ACSS3: variants seen among roughly 807,000 people sequenced by gnomAD.
ACSS3 encodes the protein acyl-CoA synthetase short chain family member 3, also known as acyl-CoA synthetase short-chain family member 3, mitochondrial.
ACSS3 carries 64 observed loss-of-function variants against 84.2 expected under a neutral mutation model. The ratio of observed to expected loss-of-function variants is 0.76; its 90% CI spans 0.62 to 0.94. The LOEUF (loss-of-function observed/expected upper bound fraction) is 0.94. Ranked by LOEUF, ACSS3 falls within the 40% of genes least tolerant of loss-of-function variation. ACSS3 has a pLI of 0.00. For synonymous variants in ACSS3, 317 were observed against 310.1 expected, an observed-to-expected ratio of 1.02 and a Z score of -0.23; for missense variants, 815 against 867.6, an observed-to-expected ratio of 0.94 and a Z score of 0.76.
intron 2 of ACSS3, among the ~76,000 whole-genome samples, chr12:81,128,802 C>T (rs1302858661): frequency 6.6e-6 from 1 of 152,088 alleles, no homozygotes; most frequent in Non-Finnish European, 1.5e-5. Flanking sequence ...TGATAATTTT[C>T]CACCTGAAGT....
chr12:81,117,438 A>T (rs1593074090), intron 2 of ACSS3, among the ~76,000 whole-genome samples: 1 of 152,194 alleles, frequency 6.6e-6, no homozygotes, highest in African/African-American at 2.4e-5. Context: ...CTTGTCACTT[A>T]TGAAATGACA....
intron 13 of ACSS3, among the ~76,000 whole-genome samples, chr12:81,248,554 T>C (rs758772544): frequency 6.6e-6 from 1 of 151,936 alleles, no homozygotes; most frequent in Non-Finnish European, 1.5e-5. Flanking sequence ...GAAGGGTATG[T>C]GTGTGTCAAG....
In ACSS3 at chr12:81,238,022, G is replaced by T. The variant is rs370497771; in HGVS notation, c.1719+4551G>T. 7.0e-4 allele frequency among the ~76,000 whole-genome samples: 106 copies of T among 151,822 alleles called. 3 individuals carry two copies. In the South Asian group the frequency reaches 0.021, roughly 30 times the overall value. On this transcript the variant is annotated intron_variant, in intron 13 of 15. Transcript: ENST00000548058. Reference sequence around the variant, plus strand: ...GTAGATGGTTCATCACGAAATTGTGGAAGTTCCCCTCTATTCGTAGTATAC... The same window carrying T: ...GTAGATGGTTCATCACGAAATTGTGTAAGTTCCCCTCTATTCGTAGTATAC...
Position 81,254,895 on chromosome 12 carries a change from C to T in ACSS3, c.2034C>T (p.His678=), listed in dbSNP as rs80307006. ...TTGAAGACCCCAGCATTTTTGGCCA[C>T]GTAGAAGAAATGCTGAAGCAAGCAT... ...STIEDPSIFG[H]VEEMLKQA Residue 678 remains histidine (H), a synonymous_variant, in exon 16 of 16, where the codon CAC becomes CAT. Coordinates refer to ENST00000548058, the MANE Select transcript of ACSS3 (RefSeq NM_024560.4). The T allele has an allele frequency of 8.8e-5, 142 of 1,607,200 alleles. No individual in the cohort carries two copies. The highest frequency in any genetic ancestry group is 1.1e-4 in the Non-Finnish European group (124 of 1,176,922).
intron 1 of ACSS3, among the ~76,000 whole-genome samples, chr12:81,083,697 C>T (rs1328569052): frequency 2.6e-5 from 4 of 151,988 alleles, no homozygotes; most frequent in East Asian, 2.0e-4. Context: ...ATGGGCAGGG[C>T]GCAGCAGCTC....
At chr12:81,223,970 G>A (rs906118153) in intron 11 of ACSS3, among the ~76,000 whole-genome samples, 4 of 151,892 alleles carry the variant, frequency 2.6e-5, no homozygotes, top group African/African-American at 9.7e-5. Flanking sequence ...AGTTATTTAA[G>A]GATTGCTCAG....
intron 1 of ACSS3, among the ~76,000 whole-genome samples, chr12:81,078,694 G>A (rs1880779244): frequency 6.6e-6 from 1 of 152,168 alleles, no homozygotes; most frequent in Non-Finnish European, 1.5e-5. Context: ...TGCTTTGGCA[G>A]TGGGAATAGT....
chr12:81,111,717 T>C (rs1883611153), intron 2 of ACSS3, among the ~76,000 whole-genome samples: 1 of 152,132 alleles, frequency 6.6e-6, no homozygotes, highest in Admixed American at 6.5e-5. Flanking sequence ...AGTCAAGTCA[T>C]TGCTGTCAAG....
intron 7 of ACSS3, among the ~76,000 whole-genome samples, chr12:81,155,896 C>A (rs7132119): frequency 0.3 from 45,957 of 152,058 alleles, 8,729 homozygotes; most frequent in Non-Finnish European, 0.42. Context: ...ACATCATCAA[C>A]CAACAAGATT....
At chr12:81,188,628 C>T (rs950663876) in intron 8 of ACSS3, among the ~76,000 whole-genome samples, 1 of 151,980 alleles carries the variant, frequency 6.6e-6, no homozygotes, top group Non-Finnish European at 1.5e-5. Context: ...AGAATGTATT[C>T]TTTGATACCT....
chr12:81,167,603 A>G (rs1887463212), intron 7 of ACSS3, among the ~76,000 whole-genome samples: 1 of 152,138 alleles, frequency 6.6e-6, no homozygotes, highest in Non-Finnish European at 1.5e-5. Flanking sequence ...GAAGAACAGA[A>G]GGACAAAAGA....
chr12:81,253,664 A>T lies in ACSS3; in HGVS notation c.1989A>T (p.Pro663=). The part of the protein sequence containing the change: ...SALSAIVNGK[P]YKITSTIEDP... The stretch of plus-strand genomic sequence containing the variant: ...TATCTGCCATTGTCAATGGCAAGCC[A>T]TACAAGGTAAATTATCAAAGATATT... Residue 663 remains proline, a synonymous_variant, in exon 15 of 16, where the codon CCA becomes CCT. Transcript: ENST00000548058. 6.2e-7 allele frequency: 1 copy of T among 1,611,004 alleles called. No individual in the cohort carries two copies. Among genetic ancestry groups the T allele is most frequent in the South Asian group, 1.1e-5 (1 of 90,764 alleles).
rs974543806 is a variant in ACSS3 at position 81,257,581 on chromosome 12, A to G, written c.*2659A>G. The G allele has an allele frequency of 2.6e-5, 4 of 152,158 alleles. No individual in the cohort carries two copies. The highest frequency in any genetic ancestry group is 9.6e-5 in the African/African-American group (4 of 41,454). 9.4% of individuals were successfully genotyped at this position (152,158 alleles called of 1,614,324 possible). A position where few individuals can be genotyped will look rare whatever the true frequency, so the allele number is the denominator to read the frequency against. ...AAAATATAAAGTGCTTTCAGAAGTTATAGTATTTTCCAATTCATTGAATTA... is the reference window on the plus strand; with the variant it reads ...AAAATATAAAGTGCTTTCAGAAGTTGTAGTATTTTCCAATTCATTGAATTA... On this transcript the variant is annotated 3_prime_UTR_variant, in exon 16 of 16. Transcript: ENST00000548058.
chr12:81,186,692 A>G (rs1201255093), intron 8 of ACSS3, among the ~76,000 whole-genome samples: 1 of 151,868 alleles, frequency 6.6e-6, no homozygotes, highest in Non-Finnish European at 1.5e-5. Context: ...GGCTATTATC[A>G]AAAAGCAAAA....
intron 7 of ACSS3, among the ~76,000 whole-genome samples, chr12:81,156,789 A>G (rs79119527): frequency 6.6e-6 from 1 of 152,198 alleles, no homozygotes; most frequent in East Asian, 1.9e-4. Flanking sequence ...AGAAAATCCA[A>G]TATGTAATTA....
At chr12:81,162,322 C>A (rs533394473) in intron 7 of ACSS3, among the ~76,000 whole-genome samples, 1 of 152,182 alleles carries the variant, frequency 6.6e-6, no homozygotes, top group Non-Finnish European at 1.5e-5. Context: ...ATCTGTGCAG[C>A]TTGCAGCTGA....
chr12:81,180,484 CATCTATGTATCT>C (rs2030848453), intron 8 of ACSS3, among the ~76,000 whole-genome samples: 1 of 151,766 alleles, frequency 6.6e-6, no homozygotes, highest in Admixed American at 6.6e-5. Flanking sequence ...TCTATCTATC[CATCTATGTATCT>C]ATCTATGTAT....
intron 9 of ACSS3, among the ~76,000 whole-genome samples, chr12:81,202,788 T>C (rs2032168711): frequency 6.6e-6 from 1 of 152,216 alleles, no homozygotes; most frequent in Non-Finnish European, 1.5e-5. Flanking sequence ...ATATGTTAAG[T>C]AACTAAAACG....
At chr12:81,111,371 GC>G (rs1259646264) in intron 2 of ACSS3, among the ~76,000 whole-genome samples, 1 of 152,158 alleles carries the variant, frequency 6.6e-6, no homozygotes, top group African/African-American at 2.4e-5. Flanking sequence ...GAGACCCAGA[GC>G]CCCATACAAG....
Sources: gnomAD v4.1 joint callset for allele counts (sites outside exome capture counted in the v4.1 genomes callset) on GRCh38, gnomAD v4.1.1 for gene constraint, MANE v1.5 for transcripts, NCBI Gene and HGNC (gene_info 2026-07-23, HGNC 2026-07-21) for gene names.